The following DUS2 variants were observed in gnomAD, a reference collection of about 807,000 sequenced individuals.
DUS2 encodes dihydrouridine synthase 2.
A neutral mutation model predicts 71.3 loss-of-function variants in DUS2; 52 were observed. The ratio of observed to expected loss-of-function variants is 0.73; its 90% CI spans 0.58 to 0.92. The LOEUF (loss-of-function observed/expected upper bound fraction) is 0.92, where lower values mean the gene tolerates loss of function less well. Among genes scored for constraint, DUS2 ranks in the 40% least tolerant of loss-of-function variants. The probability of loss-of-function intolerance (pLI) is 0.00; values close to 1 mark genes in which losing one functional copy is unlikely to be tolerated. For synonymous variants in DUS2, 204 were observed against 227.8 expected (o/e 0.90, Z 0.94); for missense variants, 558 against 622.6 (o/e 0.90, Z 1.10).
chr16:68,077,175 C>T (rs1278085934), intron 15 of DUS2, among the ~76,000 whole-genome samples: 2 of 151,582 alleles, frequency 1.3e-5, no homozygotes, highest in African/African-American at 4.8e-5. Context: ...ACTGCTTAAA[C>T]CTGGAGGCAG....
At chr16:68,039,421 A>T (rs1485850952) in intron 3 of DUS2, among the ~76,000 whole-genome samples, 2 of 146,626 alleles carry the variant, frequency 1.4e-5, no homozygotes, top group Non-Finnish European at 3.0e-5. Flanking sequence ...CCCTGTTTCT[A>T]TTTTTTTTTT....
intron 8 of DUS2, among the ~76,000 whole-genome samples, chr16:68,062,084 C>T (rs1331468019): frequency 6.6e-6 from 1 of 152,118 alleles, no homozygotes; most frequent in Non-Finnish European, 1.5e-5. Flanking sequence ...AATCTCAGCT[C>T]ACTGCAACCT....
At chr16:68,073,602 A>G (rs1004520547) in intron 12 of DUS2, among the ~76,000 whole-genome samples, 3 of 151,964 alleles carry the variant, frequency 2.0e-5, no homozygotes, top group Admixed American at 6.6e-5. Context: ...GGCACCCGCC[A>G]CCACGCCCAG....
intron 3 of DUS2, among the ~76,000 whole-genome samples, chr16:68,040,529 C>A (rs984107061): frequency 7.2e-5 from 11 of 152,146 alleles, no homozygotes; most frequent in African/African-American, 2.7e-4. Flanking sequence ...CTGTATGGAG[C>A]AGAGGAAATA....
At chr16:68,038,374 G>A (rs145357420) in intron 3 of DUS2, among the ~76,000 whole-genome samples, 81 of 152,240 alleles carry the variant, frequency 5.3e-4, no homozygotes, top group Non-Finnish European at 7.4e-4. Flanking sequence ...ACCCTGGGCC[G>A]GGTGGATAGA....
chr16:68,070,545 G>C (rs1342328251), intron 11 of DUS2, among the ~76,000 whole-genome samples: 1 of 152,142 alleles, frequency 6.6e-6, no homozygotes, highest in Non-Finnish European at 1.5e-5. Flanking sequence ...TAGGGTGTCT[G>C]TTCCTCTCGC....
In DUS2 at chr16:68,079,081, G is replaced by A; in HGVS notation, c.*95G>A. ...ACCAGATGCCGTTGAACAGTTTGCT[G>A]GTCTTGCCTGGCAGAAGTTAGATGT... On this transcript the variant is annotated 3_prime_UTR_variant, in exon 17 of 17. Transcript: ENST00000565263. 2 of 1,177,068 alleles carry A rather than the reference G, an allele frequency of 1.7e-6. No homozygotes were observed. Among genetic ancestry groups the A allele is most frequent in the Middle Eastern group, 2.7e-4 (1 of 3,740 alleles). 72.9% of individuals were successfully genotyped at this position (1,177,068 alleles called of 1,614,324 possible).
At position 68,078,755 on chromosome 16, in the gene DUS2, G is replaced by A; in HGVS notation, c.1251G>A (p.Lys417=). ...EQKYQSTLWD[K]SKKLAEQAAA... is the part of the protein sequence containing the mutation. ...TTGCCCTCTGTCTGCTCAGGGACAAGTCCAAGAAACTGGCGGAGCAGGCTG... is the reference window on the plus strand; with the variant it reads ...TTGCCCTCTGTCTGCTCAGGGACAAATCCAAGAAACTGGCGGAGCAGGCTG... The change falls in exon 17 of 17, where the codon AAG becomes AAA. Residue 417 remains lysine (K), a synonymous_variant. Coordinates refer to ENST00000565263, the MANE Select transcript of DUS2 (RefSeq NM_017803.5). The A allele has an allele frequency of 1.2e-6, 2 of 1,607,552 alleles. No homozygotes were observed. The highest frequency in any genetic ancestry group is 1.7e-6 in the Non-Finnish European group (2 of 1,175,492).
intron 5 of DUS2, chr16:68,053,982 T>C (rs1002903031): frequency 2.8e-5 from 8 of 289,920 alleles, no homozygotes; most frequent in African/African-American, 1.7e-4. Context: ...TTTGTTTTTA[T>C]GTAGTGTGTA....
chr16:68,037,652 C>T (rs1439546927), intron 2 of DUS2, among the ~76,000 whole-genome samples: 1 of 152,000 alleles, frequency 6.6e-6, no homozygotes, highest in Non-Finnish European at 1.5e-5. Flanking sequence ...CTCCTGACCT[C>T]AGGTGATCCG....
chr16:68,025,718 A>G (rs1336599141), intron 2 of DUS2, among the ~76,000 whole-genome samples: 1 of 152,084 alleles, frequency 6.6e-6, no homozygotes, highest in African/African-American at 2.4e-5. Flanking sequence ...TCACTCACAG[A>G]GGACATTGAT....
At chr16:68,032,908 C>CAAAAAAA (rs71145986) in intron 2 of DUS2, among the ~76,000 whole-genome samples, 2 of 57,936 alleles carry the variant, frequency 3.5e-5, no homozygotes, top group Admixed American at 2.9e-4. Context: ...GACTCCATCT[C>CAAAAAAA]AAAAAAAAAA....
intron 12 of DUS2, among the ~76,000 whole-genome samples, chr16:68,071,701 AATC>A (rs2151425627): frequency 6.7e-6 from 1 of 148,372 alleles, no homozygotes; most frequent in Non-Finnish European, 1.5e-5. Context: ...ATAGTGGCAT[AATC>A]ATGACTCACT....
In DUS2 at chr16:68,070,913, A is replaced by AC. The variant is rs1407463633; in HGVS notation, c.642-23dup. On this transcript the variant is annotated intron_variant, in intron 11 of 16. Transcript: ENST00000565263. ...TGCTGATAGGTTCCGTGATGGGGAC[A>AC]CCCCTAACCCTCTGGTTGCTTTTTA... The AC allele has an allele frequency of 1.9e-6, 3 of 1,607,152 alleles. No individual in the cohort carries two copies. In the South Asian group the frequency reaches 3.3e-5, roughly 18 times the overall value.
rs188652937 is a variant in DUS2 at position 68,065,436 on chromosome 16, C to G, written c.418-881C>G. Among the ~76,000 whole-genome samples, 5 of 150,722 alleles carry G rather than the reference C, an allele frequency of 3.3e-5. No homozygotes were observed. The East Asian group carries it at 1.0e-3, about 30-fold the overall frequency. ...AGGTGCAGTGGCTCAAGCCTGTCATCCCAGGACTTTGGGAGGATAAAACAG... is the reference window on the plus strand; with the variant it reads ...AGGTGCAGTGGCTCAAGCCTGTCATGCCAGGACTTTGGGAGGATAAAACAG... On this transcript the variant is annotated intron_variant, in intron 8 of 16. Transcript: ENST00000565263.
Position 68,037,469 on chromosome 16 carries a change from G to C in DUS2, c.-18-537G>C, listed in dbSNP as rs990005893. Among the ~76,000 whole-genome samples the C allele has an allele frequency of 2.6e-5, 4 of 151,140 alleles. No homozygotes were observed. In the East Asian group the frequency reaches 7.8e-4, roughly 29 times the overall value. ...TCTTGCTCTTGTTGCCCAGGCGGGG[G>C]TACAATGGTGCCATGTTGTCTGACT... is the stretch of plus-strand genomic sequence containing the variant. On this transcript the variant is annotated intron_variant, in intron 2 of 16. Transcript: ENST00000565263.
chr16:68,035,738 A>T (rs2033509565), intron 2 of DUS2, among the ~76,000 whole-genome samples: 1 of 138,390 alleles, frequency 7.2e-6, no homozygotes. Flanking sequence ...TTTTTTTGAG[A>T]CATTTACCCT....
At chr16:68,061,226 T>A in intron 8 of DUS2, 113 bp downstream of exon 8, 1 of 1,164,936 alleles carries the variant, frequency 8.6e-7, no homozygotes, top group Non-Finnish European at 1.2e-6. Flanking sequence ...CCAGTTTCTC[T>A]CCCTGAGGCC....
intron 3 of DUS2, among the ~76,000 whole-genome samples, chr16:68,042,647 C>T (rs1233930571): frequency 2.6e-5 from 4 of 151,942 alleles, no homozygotes; most frequent in Non-Finnish European, 5.9e-5. Flanking sequence ...GTAGCTGGGA[C>T]TACAGGCTTA....
Sources: gnomAD v4.1 joint callset for allele counts (sites outside exome capture counted in the v4.1 genomes callset) on GRCh38, gnomAD v4.1.1 for gene constraint, MANE v1.5 for transcripts, NCBI Gene and HGNC (gene_info 2026-07-23, HGNC 2026-07-21) for gene names.